TRIM68: variants seen among roughly 807,000 people sequenced by gnomAD.
TRIM68 encodes the protein E3 ubiquitin-protein ligase TRIM68.
In TRIM68, 36 loss-of-function variants were observed where a neutral mutation model predicts 41.9. That is an observed-to-expected ratio of 0.86 (90% confidence interval 0.66 to 1.14). TRIM68 has a LOEUF of 1.14. Among genes scored for constraint, TRIM68 ranks in the 50% most tolerant of loss-of-function variants. The probability of loss-of-function intolerance (pLI) is 0.00; values close to 1 mark genes in which losing one functional copy is unlikely to be tolerated. For synonymous variants in TRIM68, 225 were observed against 224.6 expected, an observed-to-expected ratio of 1.00 and a Z score of -0.02; for missense variants, 632 against 605.1, an observed-to-expected ratio of 1.04 and a Z score of -0.47.
In TRIM68 at chr11:4,602,273, G is replaced by A. The variant is rs773123907; in HGVS notation, c.662C>T (p.Ala221Val). Residue 221 changes from alanine to valine, a missense_variant, in exon 4 of 7, where the codon GCG becomes GTG. Coordinates refer to ENST00000300747, the MANE Select transcript of TRIM68 (RefSeq NM_018073.8). ...AALASLQREA[A>V]ETMQKLELNH... Reference sequence around the variant, plus strand: ...CAACTCCAGTTTCTGCATGGTCTCCGCTGCCTCCCGCTGTAGGCTGGCCAG... The same window carrying A: ...CAACTCCAGTTTCTGCATGGTCTCCACTGCCTCCCGCTGTAGGCTGGCCAG... The A allele has an allele frequency of 1.1e-5, 17 of 1,614,034 alleles. No individual in the cohort carries two copies. Among genetic ancestry groups the A allele is most frequent in the South Asian group, 7.7e-5 (7 of 91,084 alleles).
intron 3 of TRIM68, 23 bp from the exon 4 acceptor site, chr11:4,602,435 A>G (rs758702519): frequency 1.9e-6 from 3 of 1,610,564 alleles, no homozygotes; most frequent in Non-Finnish European, 2.5e-6. Flanking sequence ...GATGGAAATC[A>G]GCACTGATAC....
At chr11:4,607,350 AAATGTT>A (rs1327464429) in intron 1 of TRIM68, among the ~76,000 whole-genome samples, 3 of 152,258 alleles carry the variant, frequency 2.0e-5, no homozygotes, top group Admixed American at 2.0e-4. Flanking sequence ...AACTAAATGT[AAATGTT>A]GAGTTCCAAC....
Position 4,600,306 on chromosome 11 carries a change from CA to C in TRIM68, c.1427del (p.Leu476ArgfsTer44). On this transcript the variant is annotated frameshift_variant, in exon 7 of 7. Coordinates refer to ENST00000300747, the MANE Select transcript of TRIM68 (RefSeq NM_018073.8). LOFTEE classifies it high-confidence loss of function. ...CCTCCCCATCCAGGGAGCAGATGGC[CA>C]GAGGAGCAGTGTTGTTGGTTCCAAT... is the stretch of plus-strand genomic sequence containing the variant. ...YSIGTNNTAP[L>X]AICSLDGED 1 of 1,596,150 alleles carries C rather than the reference CA, an allele frequency of 6.3e-7. No homozygotes were observed. The highest frequency in any genetic ancestry group is 2.2e-5 in the East Asian group (1 of 44,734).
At position 4,605,347 on chromosome 11, in the gene TRIM68, C is replaced by G. The variant is rs759812044; in HGVS notation, c.158G>C (p.Trp53Ser). Residue 53 changes from tryptophan to serine, a missense_variant, in exon 2 of 7, where the codon TGG (tryptophan) becomes TCG (serine). Physicochemically the swap from Trp to Ser is radical, Grantham distance 177 (BLOSUM62 -3). Coordinates refer to ENST00000300747, the MANE Select transcript of TRIM68 (RefSeq NM_018073.8). ...LWEIPGESQN[W>S]GYTCPLCRAP... ...TCGACAGAGGGGACAGGTGTAACCCCAGTTCTGGGATTCTCCTGGGATCTC... is the reference window on the plus strand; with the variant it reads ...TCGACAGAGGGGACAGGTGTAACCCGAGTTCTGGGATTCTCCTGGGATCTC... The G allele has an allele frequency of 1.4e-5, 22 of 1,614,224 alleles. No individual in the cohort carries two copies. The highest frequency in any genetic ancestry group is 1.9e-5 in the Non-Finnish European group (22 of 1,180,042).
At position 4,600,565 on chromosome 11, in the gene TRIM68, T is replaced by TG; in HGVS notation, c.1168dup (p.His390ProfsTer14). The TG allele has an allele frequency of 6.2e-7, 1 of 1,613,928 alleles. No individual in the cohort carries two copies. The highest frequency in any genetic ancestry group is 8.5e-7 in the Non-Finnish European group (1 of 1,179,976). On this transcript the variant is annotated frameshift_variant, in exon 7 of 7. Transcript: ENST00000300747. LOFTEE classifies it high-confidence loss of function. ...CAGCCTTATCACCCAGAATCCATAG[T>TG]GGGGGGATAAGTAGACCACCTCCTT... is the stretch of plus-strand genomic sequence containing the variant.
rs755735461 is a variant in TRIM68, at chr11:4,603,306, T to C, written c.461A>G (p.Lys154Arg). ...ELHEALEHLKKEQEEAWKLEV... is the reference protein window; with the variant it reads ...ELHEALEHLKREQEEAWKLEV... ...AAGCTTCCAGGCCTCTTCTTGCTCTTTCTTCAGATGTTCGAGGGCCTCATG... is the reference window on the plus strand; with the variant it reads ...AAGCTTCCAGGCCTCTTCTTGCTCTCTCTTCAGATGTTCGAGGGCCTCATG... The change falls in exon 3 of 7, where the codon AAA becomes AGA. Residue 154 changes from lysine to arginine, a missense_variant. Lys to Arg is a conservative substitution (Grantham distance 26). Transcript: ENST00000300747. 1.2e-6 allele frequency: 2 copies of C among 1,614,210 alleles called. No homozygotes were observed. Among genetic ancestry groups the C allele is most frequent in the Non-Finnish European group, 1.7e-6 (2 of 1,180,028 alleles).
At chr11:4,602,741 A>C (rs563586511) in intron 3 of TRIM68, among the ~76,000 whole-genome samples, 1 of 152,298 alleles carries the variant, frequency 6.6e-6, no homozygotes, top group South Asian at 2.1e-4. Flanking sequence ...CTACACTGTT[A>C]GGTGGTTCAT....
At chr11:4,605,795 C>T (rs914912359) in intron 1 of TRIM68, among the ~76,000 whole-genome samples, 1 of 152,056 alleles carries the variant, frequency 6.6e-6, no homozygotes, top group Non-Finnish European at 1.5e-5. Context: ...ATTGGGAGTC[C>T]TCGGTTTTCA....
At chr11:4,607,865 C>A (rs745375487) in intron 1 of TRIM68, among the ~76,000 whole-genome samples, 162 bp downstream of exon 1, 1 of 152,126 alleles carries the variant, frequency 6.6e-6, no homozygotes, top group Non-Finnish European at 1.5e-5. Flanking sequence ...AGTTAGGACC[C>A]CAGCGGGAAG....
chr11:4,603,408 G>A, intron 2 of TRIM68, 68 bp from the exon 3 acceptor site: 1 of 1,484,634 alleles, frequency 6.7e-7, no homozygotes. Flanking sequence ...GGGAGGCTAT[G>A]GGAGAACCAG....
rs1415820796 is a variant in TRIM68 at position 4,604,567 on chromosome 11, C to G, written c.426+512G>C. Reference sequence around the variant, plus strand: ...ACTATATCAGATGACCTCTCTCAATCTTGTGACTCACCCATAGTTCTTTCC... The same window carrying G: ...ACTATATCAGATGACCTCTCTCAATGTTGTGACTCACCCATAGTTCTTTCC... On this transcript the variant is annotated intron_variant, in intron 2 of 6. Transcript: ENST00000300747. Among the ~76,000 whole-genome samples, 5 of 152,314 alleles carry G rather than the reference C, an allele frequency of 3.3e-5. No individual in the cohort carries two copies. The East Asian group carries it at 7.7e-4, about 23-fold the overall frequency.
At chr11:4,601,803 GAT>G in intron 4 of TRIM68, 117 bp from the exon 5 acceptor site, 1 of 1,230,768 alleles carries the variant, frequency 8.1e-7, no homozygotes, top group Non-Finnish European at 1.2e-6. Context: ...AGAATGGAGA[GAT>G]GCCATGCAGA....
At chr11:4,604,984 C>T (rs1846546156) in intron 2 of TRIM68, 95 bp downstream of exon 2, 4 of 1,375,062 alleles carry the variant, frequency 2.9e-6, no homozygotes, top group Non-Finnish European at 4.0e-6. Flanking sequence ...AAGGAGTTAG[C>T]TCTCAGTCTG....
rs754418451 is a variant in TRIM68 at position 4,602,399 on chromosome 11, G to A, written c.536C>T (p.Thr179Ile). 2 of 1,613,402 alleles carry A rather than the reference G, an allele frequency of 1.2e-6. No homozygotes were observed. Among genetic ancestry groups the A allele is most frequent in the South Asian group, 2.2e-5 (2 of 91,048 alleles). Residue 179 changes from threonine to isoleucine, a missense_variant, in exon 4 of 7, where the codon ACC becomes ATC. By Grantham distance (89) the Thr-to-Ile change is moderately conservative (BLOSUM62 -1). Coordinates refer to ENST00000300747, the MANE Select transcript of TRIM68 (RefSeq NM_018073.8). The part of the protein sequence containing the change: ...RTATWKIQVE[T>I]RKQSIVWEFE... ...CTCCCATACAATACTCTGTTTTCGG[G>A]TTTCCACCTGTATCTGTGGAGCCAA...
Position 4,600,675 on chromosome 11 carries a change from G to C in TRIM68, c.1059C>G (p.Ile353Met). ...RYNIVLGSQC[I>M]SSGRHYWEVE... ...CCTCCCAGTAGTGCCGGCCTGAGGA[G>C]ATGCACTGGCTTCCCAGGACGATAT... The change falls in exon 7 of 7, where the codon ATC becomes ATG. Residue 353 changes from isoleucine to methionine, a missense_variant. Ile to Met is a conservative substitution (Grantham distance 10). Coordinates refer to ENST00000300747, the MANE Select transcript of TRIM68 (RefSeq NM_018073.8). The C allele has an allele frequency of 6.2e-7, 1 of 1,614,176 alleles. No individual in the cohort carries two copies. The highest frequency in any genetic ancestry group is 8.5e-7 in the Non-Finnish European group (1 of 1,180,018).
chr11:4,600,782 C>T lies in TRIM68; in HGVS notation c.952G>A (p.Val318Met), dbSNP rs148735266. Residue 318 changes from valine (V) to methionine (M), a missense_variant, in exon 7 of 7, where the codon GTG becomes ATG. Physicochemically the swap from Val to Met is conservative, Grantham distance 21 (BLOSUM62 1). Transcript: ENST00000300747. ...TGCACACGTTTTCTGTCCTCAGACA[C>T]GATGAGACGGGAGTAAGCAGTATCT... The part of the protein sequence containing the change: ...DPDTAYSRLI[V>M]SEDRKRVHYG... The T allele has an allele frequency of 8.7e-5, 141 of 1,614,058 alleles. No homozygotes were observed. The East Asian group carries it at 2.1e-3, about 24-fold the overall frequency.
At position 4,605,489 on chromosome 11, in the gene TRIM68, A is replaced by G. The variant is rs749429610; in HGVS notation, c.16T>C (p.Leu6=). 40 of 1,606,598 alleles carry G rather than the reference A, an allele frequency of 2.5e-5. No homozygotes were observed. The highest frequency in any genetic ancestry group is 3.3e-5 in the Non-Finnish European group (39 of 1,174,298). The change falls in exon 2 of 7, where the codon TTG becomes CTG. Residue 6 remains leucine (L), a synonymous_variant. Coordinates refer to ENST00000300747, the MANE Select transcript of TRIM68 (RefSeq NM_018073.8). ...ACTTCTTCCACAATGGCTTCCACCA[A>G]GGCTGTGGGATCCATGGTTCCTTCT... MDPTA[L]VEAIVEEVAC...
chr11:4,602,539 T>C lies in TRIM68; in HGVS notation c.523-127A>G, dbSNP rs117149900. 1,322 of 1,247,778 alleles carry C rather than the reference T, an allele frequency of 1.1e-3. 16 individuals carry two copies. The East Asian group carries it at 0.022, about 20-fold the overall frequency. 77.3% of individuals were successfully genotyped at this position (1,247,778 alleles called of 1,614,324 possible). On this transcript the variant is annotated intron_variant, in intron 3 of 6. Coordinates refer to ENST00000300747, the MANE Select transcript of TRIM68 (RefSeq NM_018073.8). ...GTGACAGGCTATGCAGGGGCAAAGATAAAGGATACTATTTTTCCTAGCTTC... is the reference window on the plus strand; with the variant it reads ...GTGACAGGCTATGCAGGGGCAAAGACAAAGGATACTATTTTTCCTAGCTTC...
Position 4,600,173 on chromosome 11 carries a change from G to C in TRIM68, c.*103C>G. Reference sequence around the variant, plus strand: ...CAGACAGAGGAATCCTTGGATACTGGGCTCAGCTCAGTTTCAGGGGATACC... The same window carrying C: ...CAGACAGAGGAATCCTTGGATACTGCGCTCAGCTCAGTTTCAGGGGATACC... On this transcript the variant is annotated 3_prime_UTR_variant, in exon 7 of 7. Coordinates refer to ENST00000300747, the MANE Select transcript of TRIM68 (RefSeq NM_018073.8). 1.7e-6 allele frequency: 2 copies of C among 1,170,892 alleles called. No homozygotes were observed. Among genetic ancestry groups the C allele is most frequent in the South Asian group, 3.5e-5 (2 of 57,570 alleles). The allele number at this position is 1,170,892 out of a possible 1,614,324, so 72.5% of individuals were successfully genotyped here. A position where few individuals can be genotyped will look rare whatever the true frequency, so the allele number is the denominator to read the frequency against.
Sources: gnomAD v4.1 joint callset for allele counts (sites outside exome capture counted in the v4.1 genomes callset) on GRCh38, gnomAD v4.1.1 for gene constraint, MANE v1.5 for transcripts, NCBI Gene and HGNC (gene_info 2026-07-23, HGNC 2026-07-21) for gene names.